Variants in C10orf90 observed in about 807,000 individuals in gnomAD.
The protein encoded by C10orf90 is chromosome 10 open reading frame 90, also known as (E2-independent) E3 ubiquitin-conjugating enzyme FATS.
A neutral mutation model predicts 62.5 loss-of-function variants in C10orf90; 56 were observed. The ratio of observed to expected loss-of-function variants is 0.90; its 90% CI spans 0.72 to 1.12. The LOEUF is 1.12. C10orf90 is among the 50% of genes most tolerant of loss of function. C10orf90 has a pLI of 0.00. For missense variants in C10orf90, 970 were observed against 880.4 expected (o/e 1.10, Z -1.29); for synonymous variants, 386 against 340.4 (o/e 1.13, Z -1.47).
At chr10:126,661,309 C>T (rs1846506262) in intron 1 of C10orf90, among the ~76,000 whole-genome samples, 1 of 152,224 alleles carries the variant, frequency 6.6e-6, no homozygotes. Flanking sequence ...TTCCAAGGCT[C>T]AACCCTTTAT....
intron 4 of C10orf90, among the ~76,000 whole-genome samples, chr10:126,474,600 T>C (rs1860756706): frequency 6.6e-6 from 1 of 152,144 alleles, no homozygotes; most frequent in South Asian, 2.1e-4. Flanking sequence ...TAGCAAAGAA[T>C]ACATATCTTG....
intron 1 of C10orf90, among the ~76,000 whole-genome samples, chr10:126,657,773 A>T (rs922715034): frequency 6.6e-6 from 1 of 151,422 alleles, no homozygotes; most frequent in East Asian, 1.9e-4. Flanking sequence ...GTGCCATCAC[A>T]CCTGGCTAAT....
At chr10:126,513,973 G>A in intron 2 of C10orf90, 34 bp from the exon 3 acceptor site, 1 of 1,429,118 alleles carries the variant, frequency 7.0e-7, no homozygotes, top group Non-Finnish European at 9.8e-7. Context: ...CTACTTTTTA[G>A]TATATAAAAG....
In C10orf90 at chr10:126,458,636, A is replaced by G. The variant is rs183599805; in HGVS notation, c.2188+404T>C. 3.3e-5 allele frequency among the ~76,000 whole-genome samples: 5 copies of G among 152,284 alleles called. No homozygotes were observed. In the East Asian group the frequency reaches 7.7e-4, roughly 24 times the overall value. On this transcript the variant is annotated intron_variant, in intron 7 of 9. Transcript: ENST00000488181. The stretch of plus-strand genomic sequence containing the variant: ...CTCACAGCAGGAAAGGGGTTTCAAG[A>G]TGAGGAATGTTGATATAGACAAGCT...
Position 126,619,159 on chromosome 10 carries a change from G to T in C10orf90, c.313+27406C>A, listed in dbSNP as rs115967423. Among the ~76,000 whole-genome samples, 887 of 152,274 alleles carry T rather than the reference G, an allele frequency of 5.8e-3. 12 individuals carry two copies. The highest frequency in any genetic ancestry group is 0.019 in the African/African-American group (795 of 41,556). Reference sequence around the variant, plus strand: ...ATCTTGCTGTGTGTGGCAGTGCTTTGTTCCTTTTCACTGTAACAATACATT... The same window carrying T: ...ATCTTGCTGTGTGTGGCAGTGCTTTTTTCCTTTTCACTGTAACAATACATT... On this transcript the variant is annotated intron_variant, in intron 2 of 9. Transcript: ENST00000488181.
rs1410808392 is a variant in C10orf90, at chr10:126,503,981, T to G, written c.1510A>C (p.Ile504Leu). The change falls in exon 4 of 10, where the codon ATT becomes CTT. Residue 504 changes from isoleucine (I) to leucine (L), a missense_variant. Coordinates refer to ENST00000488181, the MANE Select transcript of C10orf90 (RefSeq NM_001350921.2). ...CCTGCCCTGTAACTCCAGCCAGGAATGTGAATGGACAGTTGGTTGGCATGA... is the reference window on the plus strand; with the variant it reads ...CCTGCCCTGTAACTCCAGCCAGGAAGGTGAATGGACAGTTGGTTGGCATGA... ...SDHANQLSIH[I>L]PGWSYRAVHT... 74 of 1,612,334 alleles carry G rather than the reference T, an allele frequency of 4.6e-5. No homozygotes were observed. The highest frequency in any genetic ancestry group is 6.2e-5 in the Non-Finnish European group (73 of 1,179,470).
chr10:126,652,040 C>T (rs184605374), intron 1 of C10orf90, among the ~76,000 whole-genome samples: 172 of 152,294 alleles, frequency 1.1e-3, no homozygotes, highest in Non-Finnish European at 1.9e-3. Context: ...AATCTAGATG[C>T]AAGATTGATC....
chr10:126,546,617 G>T (rs547956503), intron 2 of C10orf90, among the ~76,000 whole-genome samples: 1 of 152,260 alleles, frequency 6.6e-6, no homozygotes, highest in African/African-American at 2.4e-5. Flanking sequence ...GGCTGAGTGG[G>T]GAGCAGAGCT....
chr10:126,658,934 G>T (rs139190110), intron 1 of C10orf90, among the ~76,000 whole-genome samples: 1 of 152,086 alleles, frequency 6.6e-6, no homozygotes, highest in Non-Finnish European at 1.5e-5. Flanking sequence ...TTTTCATTTC[G>T]CAAGCTTCCT....
At chr10:126,565,349 AATATATAAT>A (rs1844347385) in intron 2 of C10orf90, among the ~76,000 whole-genome samples, 1 of 63,780 alleles carries the variant, frequency 1.6e-5, no homozygotes, top group Admixed American at 2.7e-4. Flanking sequence ...TATAATATAT[AATATATAAT>A]ATATATTATT....
In C10orf90 at chr10:126,525,764, A is replaced by G. The variant is rs147504950; in HGVS notation, c.314-11825T>C. On this transcript the variant is annotated intron_variant, in intron 2 of 9. Transcript: ENST00000488181. Reference sequence around the variant, plus strand: ...AAGTGGCCTCTCTACAGAACTCTCCAACGGCTTATCAGCAAAGCCAGACAA... The same window carrying G: ...AAGTGGCCTCTCTACAGAACTCTCCGACGGCTTATCAGCAAAGCCAGACAA... Among the ~76,000 whole-genome samples, 868 of 152,228 alleles carry G rather than the reference A, an allele frequency of 5.7e-3. 6 individuals are homozygous for G. The highest frequency in any genetic ancestry group is 0.02 in the African/African-American group (813 of 41,506).
intron 2 of C10orf90, among the ~76,000 whole-genome samples, chr10:126,576,717 A>ATATTATCTATATGTATATGT (rs1354426352): frequency 2.4e-5 from 1 of 42,142 alleles, no homozygotes; most frequent in African/African-American, 1.0e-4. Flanking sequence ...ATATATATAC[A>ATATTATCTATATGTATATGT]AGATATACAT....
chr10:126,669,820 C>G (rs534338430), intron 1 of C10orf90, among the ~76,000 whole-genome samples: 1 of 151,796 alleles, frequency 6.6e-6, no homozygotes, highest in African/African-American at 2.4e-5. Context: ...GATGAAGGCA[C>G]GTCATACATA....
chr10:126,603,985 G>T (rs1016502385), intron 2 of C10orf90, among the ~76,000 whole-genome samples: 11 of 152,218 alleles, frequency 7.2e-5, no homozygotes, highest in African/African-American at 2.2e-4. Flanking sequence ...CTCGTCAAAA[G>T]TGGCTGAGCT....
At chr10:126,428,399 A>G (rs1857380033) in intron 8 of C10orf90, among the ~76,000 whole-genome samples, 1 of 152,146 alleles carries the variant, frequency 6.6e-6, no homozygotes, top group African/African-American at 2.4e-5. Flanking sequence ...CGATATAATT[A>G]ATAGCAAAGA....
chr10:126,464,564 C>T (rs2133740580), intron 5 of C10orf90, 132 bp downstream of exon 5: 2 of 1,037,710 alleles, frequency 1.9e-6, no homozygotes, highest in Non-Finnish European at 2.8e-6. Flanking sequence ...CCCCTCTCTG[C>T]TCTCCCAGTT....
At chr10:126,490,014 T>TATATATAATATATA (rs71687088) in intron 4 of C10orf90, among the ~76,000 whole-genome samples, 169 of 92,534 alleles carry the variant, frequency 1.8e-3, no homozygotes, top group Middle Eastern at 4.6e-3. Context: ...TTATATATAT[T>TATATATAATATATA]ATATATAATA....
chr10:126,430,586 G>A (rs1394838211), intron 7 of C10orf90, among the ~76,000 whole-genome samples: 2 of 152,164 alleles, frequency 1.3e-5, no homozygotes, highest in Non-Finnish European at 2.9e-5. Context: ...GAGACACTTG[G>A]CCATGTAGAT....
intron 2 of C10orf90, among the ~76,000 whole-genome samples, chr10:126,645,862 A>G (rs114612581): frequency 0.017 from 2,547 of 152,326 alleles, 73 homozygotes; most frequent in African/African-American, 0.058. Flanking sequence ...CTTTTCATCT[A>G]TAGTGGCTCA....
Sources: allele counts gnomAD v4.1 joint callset (sites outside exome capture counted in the v4.1 genomes callset), GRCh38; gene constraint gnomAD v4.1.1; transcripts MANE v1.5; gene names NCBI Gene and HGNC (gene_info 2026-07-23, HGNC 2026-07-21).